Variants in CSMD1 observed in about 807,000 individuals in gnomAD.
CSMD1 encodes CUB and sushi domain-containing protein 1.
A neutral mutation model predicts 417.5 loss-of-function variants in CSMD1; 213 were observed. That is an observed-to-expected ratio of 0.51 (90% CI 0.46 to 0.57). The LOEUF (loss-of-function observed/expected upper bound fraction) is 0.57. CSMD1 is among the 20% of genes least tolerant of loss of function. The pLI, the probability that CSMD1 is intolerant of heterozygous loss-of-function variation, is 0.00. For missense variants in CSMD1, 6,923 were observed against 4,529.7 expected, an observed-to-expected ratio of 1.53 and a Z score of -15.17; for synonymous variants, 2,862 against 1,736.8, an observed-to-expected ratio of 1.65 and a Z score of -16.11.
intron 1 of CSMD1, among the ~76,000 whole-genome samples, chr8:4,956,841 C>T (rs1023634325): frequency 4.6e-5 from 7 of 152,174 alleles, no homozygotes; most frequent in Non-Finnish European, 7.3e-5. Context: ...GCACCTCCTG[C>T]AGAAGTCAGT....
At chr8:4,861,924 A>T (rs1802160530) in intron 1 of CSMD1, among the ~76,000 whole-genome samples, 1 of 152,142 alleles carries the variant, frequency 6.6e-6, no homozygotes, top group South Asian at 2.1e-4. Context: ...TTATACTTAC[A>T]TTTCAAAACG....
At chr8:3,994,395 T>G (rs2130309375) in intron 5 of CSMD1, among the ~76,000 whole-genome samples, 1 of 151,252 alleles carries the variant, frequency 6.6e-6, no homozygotes, top group South Asian at 2.1e-4. Flanking sequence ...TTTTCTTTCT[T>G]CTTGATATTA....
chr8:3,922,197 ACT>A (rs1477163290), intron 5 of CSMD1, among the ~76,000 whole-genome samples: 1 of 151,638 alleles, frequency 6.6e-6, no homozygotes, highest in East Asian at 1.9e-4. Context: ...AGACAACCCT[ACT>A]CTCTTCTTTT....
intron 21 of CSMD1, among the ~76,000 whole-genome samples, chr8:3,356,141 C>T (rs1808772468): frequency 6.6e-6 from 1 of 152,308 alleles, no homozygotes; most frequent in East Asian, 1.9e-4. Flanking sequence ...TTAACTCAGT[C>T]GACATCCTTA....
intron 6 of CSMD1, among the ~76,000 whole-genome samples, chr8:3,739,156 T>G (rs1167226443): frequency 6.6e-6 from 1 of 152,218 alleles, no homozygotes; most frequent in Non-Finnish European, 1.5e-5. Flanking sequence ...AAACAATGTT[T>G]GCAGTTAAAG....
intron 1 of CSMD1, among the ~76,000 whole-genome samples, chr8:4,689,440 G>T (rs748724035): frequency 3.3e-5 from 5 of 152,094 alleles, no homozygotes; most frequent in Non-Finnish European, 4.4e-5. Flanking sequence ...GATTTAATGG[G>T]TATGCATTTA....
intron 3 of CSMD1, among the ~76,000 whole-genome samples, chr8:4,082,140 G>A (rs567296915): frequency 7.9e-5 from 12 of 152,176 alleles, no homozygotes; most frequent in African/African-American, 2.9e-4. Context: ...AATAAAAGAT[G>A]CAAAATCTCT....
chr8:3,622,533 C>G (rs982297803), intron 7 of CSMD1, among the ~76,000 whole-genome samples: 1 of 152,136 alleles, frequency 6.6e-6, no homozygotes, highest in Non-Finnish European at 1.5e-5. Context: ...CACTCTGGAT[C>G]TTTTTAAAGA....
intron 5 of CSMD1, among the ~76,000 whole-genome samples, chr8:3,893,249 T>A (rs1386280691): frequency 6.7e-6 from 1 of 149,382 alleles, no homozygotes; most frequent in African/African-American, 2.4e-5. Flanking sequence ...TCTTCTTATA[T>A]TTGTAATATT....
intron 1 of CSMD1, among the ~76,000 whole-genome samples, chr8:4,804,603 C>T (rs938426326): frequency 1.2e-4 from 18 of 151,158 alleles, no homozygotes; most frequent in East Asian, 3.9e-4. Flanking sequence ...AAGGAAAGTA[C>T]GAAGGAAGAC....
At chr8:3,238,937 G>A (rs980185322) in intron 26 of CSMD1, among the ~76,000 whole-genome samples, 3 of 152,124 alleles carry the variant, frequency 2.0e-5, no homozygotes, top group African/African-American at 7.2e-5. Flanking sequence ...ATGGTGAATA[G>A]GAGTATGACT....
chr8:3,926,078 A>G (rs1809664897), intron 5 of CSMD1, among the ~76,000 whole-genome samples: 2 of 97,460 alleles, frequency 2.1e-5, no homozygotes, highest in Non-Finnish European at 3.9e-5. Context: ...ACACACAAAC[A>G]CCATACACAC....
intron 2 of CSMD1, among the ~76,000 whole-genome samples, chr8:4,451,373 G>T (rs1413352383): frequency 6.6e-6 from 1 of 152,140 alleles, no homozygotes; most frequent in Non-Finnish European, 1.5e-5. Context: ...AATCACAAGT[G>T]TTTATGGAAG....
chr8:3,074,035 C>A (rs1813478546), intron 49 of CSMD1, among the ~76,000 whole-genome samples: 1 of 152,220 alleles, frequency 6.6e-6, no homozygotes, highest in South Asian at 2.1e-4. Flanking sequence ...CTGAGGGTGG[C>A]AGCGGGCTGC....
intron 10 of CSMD1, among the ~76,000 whole-genome samples, chr8:3,571,463 G>A (rs1256981102): frequency 6.6e-6 from 1 of 152,184 alleles, no homozygotes; most frequent in Non-Finnish European, 1.5e-5. Context: ...GTTAGTAACT[G>A]TTCAAGGACA....
At chr8:3,720,616 T>C (rs1802098512) in intron 6 of CSMD1, among the ~76,000 whole-genome samples, 1 of 36,094 alleles carries the variant, frequency 2.8e-5, no homozygotes, top group Non-Finnish European at 5.6e-5. Flanking sequence ...AAAGTCTTTA[T>C]TCTTACACAC....
chr8:4,196,761 C>G (rs1045392864), intron 3 of CSMD1, among the ~76,000 whole-genome samples: 1 of 152,168 alleles, frequency 6.6e-6, no homozygotes, highest in Non-Finnish European at 1.5e-5. Context: ...TTTATCTTAT[C>G]TGTAAACCCC....
At chr8:4,318,699 T>C (rs1172132302) in intron 3 of CSMD1, among the ~76,000 whole-genome samples, 2 of 107,220 alleles carry the variant, frequency 1.9e-5, no homozygotes, top group East Asian at 2.8e-4. Flanking sequence ...AGGCTTAATA[T>C]TATTTTAAAA....
At chr8:3,099,265 G>C (rs539883417) in intron 46 of CSMD1, among the ~76,000 whole-genome samples, 70 of 152,240 alleles carry the variant, frequency 4.6e-4, no homozygotes, top group African/African-American at 1.6e-3. Context: ...ACACCCTCCT[G>C]TAAGTTCCTT....
Sources: allele counts gnomAD v4.1 joint callset (sites outside exome capture counted in the v4.1 genomes callset), GRCh38; gene constraint gnomAD v4.1.1; transcripts MANE v1.5; gene names NCBI Gene and HGNC (gene_info 2026-07-23, HGNC 2026-07-21).